The following HEMK2 variants were observed in gnomAD, a reference collection of about 807,000 sequenced individuals.
HEMK2 encodes HemK methyltransferase 2, ETF1 glutamine and histone H4 lysine.
chr21:28,576,008 T>C, the HEMK2 span, among the ~76,000 whole-genome samples: 1 of 152,220 alleles, frequency 6.6e-6, no homozygotes, highest in Non-Finnish European at 1.5e-5. Flanking sequence ...GATATTTGGA[T>C]TTTTTTCTGT....
At chr21:28,638,378 A>T in the HEMK2 span, among the ~76,000 whole-genome samples, 19 of 152,282 alleles carry the variant, frequency 1.2e-4, no homozygotes, top group Non-Finnish European at 2.2e-4. Context: ...GCACAGGCAA[A>T]TTAAGTGTTT....
the HEMK2 span, among the ~76,000 whole-genome samples, chr21:28,596,480 T>G: frequency 6.6e-6 from 1 of 152,220 alleles, no homozygotes; most frequent in African/African-American, 2.4e-5. Context: ...AATCTCTCCC[T>G]GAATCTGACT....
the HEMK2 span, among the ~76,000 whole-genome samples, chr21:28,787,162 G>A: frequency 1.1e-3 from 166 of 152,320 alleles, 1 homozygote; most frequent in Middle Eastern, 0.01. Flanking sequence ...CTAGCCACAT[G>A]TAGGAGAATG....
the HEMK2 span, among the ~76,000 whole-genome samples, chr21:28,642,880 T>C: frequency 6.6e-6 from 1 of 152,180 alleles, no homozygotes; most frequent in Non-Finnish European, 1.5e-5. Flanking sequence ...TGCCGGCTAA[T>C]GTCTTTTATA....
the HEMK2 span, among the ~76,000 whole-genome samples, chr21:28,650,511 G>C: frequency 6.6e-6 from 1 of 152,178 alleles, no homozygotes; most frequent in Non-Finnish European, 1.5e-5. Flanking sequence ...CATAATGTAT[G>C]AAGTGACCAA....
At chr21:28,739,158 G>A in the HEMK2 span, among the ~76,000 whole-genome samples, 6 of 152,248 alleles carry the variant, frequency 3.9e-5, no homozygotes, top group South Asian at 4.1e-4. Context: ...ATTGACATGC[G>A]TATTTCTGAC....
the HEMK2 span, among the ~76,000 whole-genome samples, chr21:28,663,991 G>A: frequency 5.3e-5 from 8 of 152,122 alleles, no homozygotes; most frequent in Admixed American, 5.2e-4. Flanking sequence ...TGTACATATA[G>A]TATGCTCATA....
the HEMK2 span, among the ~76,000 whole-genome samples, chr21:28,668,921 C>T: frequency 6.6e-6 from 1 of 152,164 alleles, no homozygotes; most frequent in Non-Finnish European, 1.5e-5. Context: ...CCATCATACA[C>T]CAAAGTTTGA....
the HEMK2 span, among the ~76,000 whole-genome samples, chr21:28,733,730 T>G: frequency 5.9e-5 from 9 of 151,962 alleles, no homozygotes; most frequent in Non-Finnish European, 1.3e-4. Flanking sequence ...GCCACTGGTT[T>G]TTTTTTTTTA....
At chr21:28,692,399 T>A in the HEMK2 span, among the ~76,000 whole-genome samples, 1 of 152,066 alleles carries the variant, frequency 6.6e-6, no homozygotes. Flanking sequence ...TATGAAGCTA[T>A]ATGCAATGAT....
chr21:28,622,580 T>C, the HEMK2 span, among the ~76,000 whole-genome samples: 2 of 152,120 alleles, frequency 1.3e-5, no homozygotes, highest in East Asian at 1.9e-4. Flanking sequence ...CTTCAAACTA[T>C]ACTACAAGTC....
At chr21:28,829,387 A>C in the HEMK2 span, among the ~76,000 whole-genome samples, 2 of 152,184 alleles carry the variant, frequency 1.3e-5, no homozygotes, top group African/African-American at 4.8e-5. Context: ...AGGGCTCTGC[A>C]TTTATGAATA....
chr21:28,611,989 T>C, the HEMK2 span, among the ~76,000 whole-genome samples: 1 of 150,632 alleles, frequency 6.6e-6, no homozygotes, highest in South Asian at 2.1e-4. Context: ...CTATCAGACA[T>C]TCAATTCAAA....
chr21:28,855,420 C>G, the HEMK2 span, among the ~76,000 whole-genome samples: 1 of 152,144 alleles, frequency 6.6e-6, no homozygotes, highest in South Asian at 2.1e-4. Context: ...TGGTAGACTT[C>G]TATACCCTAC....
At chr21:28,649,603 A>G in the HEMK2 span, among the ~76,000 whole-genome samples, 1 of 152,218 alleles carries the variant, frequency 6.6e-6, no homozygotes, top group South Asian at 2.1e-4. Flanking sequence ...AAGTAAATAA[A>G]TGTTATGCTG....
the HEMK2 span, among the ~76,000 whole-genome samples, chr21:28,695,732 T>C: frequency 4.1e-5 from 6 of 145,620 alleles, no homozygotes; most frequent in African/African-American, 1.5e-4. Context: ...CCAAATCTCA[T>C]GTCCTCAAAT....
At chr21:28,837,951 A>G in the HEMK2 span, among the ~76,000 whole-genome samples, 3 of 152,310 alleles carry the variant, frequency 2.0e-5, no homozygotes, top group Admixed American at 2.0e-4. Flanking sequence ...ATAGATGCAT[A>G]CATTTCTGGA....
chr21:28,850,314 T>C, the HEMK2 span, among the ~76,000 whole-genome samples: 1 of 133,560 alleles, frequency 7.5e-6, no homozygotes, highest in Non-Finnish European at 1.5e-5. Flanking sequence ...AAGCTCCACC[T>C]CCCAGGCTCA....
the HEMK2 span, among the ~76,000 whole-genome samples, chr21:28,697,547 C>G: frequency 6.6e-6 from 1 of 152,188 alleles, no homozygotes; most frequent in Non-Finnish European, 1.5e-5. Flanking sequence ...CAACCTCTGT[C>G]TGTTACCCAG....
Sources: allele counts gnomAD v4.1 joint callset (sites outside exome capture counted in the v4.1 genomes callset), GRCh38; gene constraint gnomAD v4.1.1; transcripts MANE v1.5; gene names NCBI Gene and HGNC (gene_info 2026-07-23, HGNC 2026-07-21).